Variants in CRPPA observed in about 807,000 individuals in gnomAD.
CRPPA encodes CDP-L-ribitol pyrophosphorylase A, also known as D-ribitol-5-phosphate cytidylyltransferase.
A neutral mutation model predicts 52.0 loss-of-function variants in CRPPA; 43 were observed. That is an observed-to-expected ratio of 0.83 (90% confidence interval 0.65 to 1.07). The LOEUF (loss-of-function observed/expected upper bound fraction) is 1.07, where lower values mean the gene tolerates loss of function less well. CRPPA is among the 50% of genes least tolerant of loss of function. The pLI is 0.00. For missense variants in CRPPA, 629 were observed against 551.7 expected (o/e 1.14, Z -1.40); for synonymous variants, 250 against 203.5 (o/e 1.23, Z -1.94).
At chr7:16,347,158 A>T (rs1028295948) in intron 3 of CRPPA, among the ~76,000 whole-genome samples, 1 of 152,060 alleles carries the variant, frequency 6.6e-6, no homozygotes, top group Admixed American at 6.6e-5. Context: ...TTTCAGCCCC[A>T]TTTATCAGAC....
At chr7:16,129,113 A>C (rs1013691456) in intron 9 of CRPPA, among the ~76,000 whole-genome samples, 2 of 152,134 alleles carry the variant, frequency 1.3e-5, no homozygotes, top group Non-Finnish European at 2.9e-5. Context: ...GGAAAATGAC[A>C]TTGATTTCTC....
intron 9 of CRPPA, among the ~76,000 whole-genome samples, chr7:16,178,036 T>C (rs1482102376): frequency 6.7e-6 from 1 of 150,364 alleles, no homozygotes; most frequent in Non-Finnish European, 1.5e-5. Context: ...TAATGAAGAT[T>C]TCTTGGCTGT....
chr7:16,374,805 T>G (rs898389654), intron 3 of CRPPA, among the ~76,000 whole-genome samples: 4 of 152,098 alleles, frequency 2.6e-5, no homozygotes, highest in Non-Finnish European at 4.4e-5. Flanking sequence ...GTGTGCTGTT[T>G]TATCATCCAC....
At chr7:16,345,028 A>G (rs1385835436) in intron 3 of CRPPA, among the ~76,000 whole-genome samples, 1 of 152,158 alleles carries the variant, frequency 6.6e-6, no homozygotes, top group South Asian at 2.1e-4. Flanking sequence ...CAGGATAAAT[A>G]CAATCAGGTC....
chr7:16,335,698 C>G (rs983168939), intron 3 of CRPPA, among the ~76,000 whole-genome samples: 1 of 152,020 alleles, frequency 6.6e-6, no homozygotes, highest in Non-Finnish European at 1.5e-5. Context: ...AAGAAAAAGG[C>G]CTGGAAAGCA....
chr7:16,266,838 A>G (rs1050753807), intron 6 of CRPPA, among the ~76,000 whole-genome samples: 33 of 152,166 alleles, frequency 2.2e-4, no homozygotes, highest in African/African-American at 6.8e-4. Context: ...GCTGCAAAAT[A>G]CCACCCTGCT....
chr7:16,107,055 C>T (rs1204598825), intron 9 of CRPPA, among the ~76,000 whole-genome samples: 2 of 151,934 alleles, frequency 1.3e-5, no homozygotes, highest in Non-Finnish European at 1.5e-5. Context: ...GAAGACAGAA[C>T]ATTTAAAATT....
chr7:16,353,576 G>A (rs1786215280), intron 3 of CRPPA, among the ~76,000 whole-genome samples: 1 of 152,166 alleles, frequency 6.6e-6, no homozygotes, highest in Non-Finnish European at 1.5e-5. Context: ...TTGGCAGGGT[G>A]TGGTGGCTCA....
At chr7:16,238,946 T>A (rs1004324088) in intron 8 of CRPPA, among the ~76,000 whole-genome samples, 12 of 152,068 alleles carry the variant, frequency 7.9e-5, no homozygotes, top group African/African-American at 2.9e-4. Flanking sequence ...GAGACCAGCC[T>A]GGCCAAAATG....
chr7:16,114,268 A>G (rs1782323907), intron 9 of CRPPA, among the ~76,000 whole-genome samples: 1 of 150,360 alleles, frequency 6.7e-6, no homozygotes, highest in Admixed American at 6.8e-5. Context: ...AATAGTACTG[A>G]ACGAGATCAA....
intron 9 of CRPPA, among the ~76,000 whole-genome samples, chr7:16,160,206 A>G (rs1783273897): frequency 6.6e-6 from 1 of 152,078 alleles, no homozygotes; most frequent in Admixed American, 6.5e-5. Context: ...TTTTCTTGCC[A>G]TTGCTTTTGG....
intron 9 of CRPPA, among the ~76,000 whole-genome samples, chr7:16,099,441 G>A (rs1400584259): frequency 6.9e-6 from 1 of 144,756 alleles, no homozygotes; most frequent in African/African-American, 2.6e-5. Context: ...AGGGAAAAAG[G>A]AGGGAGGGAA....
chr7:16,286,173 T>TATCAAC (rs1018242401), intron 5 of CRPPA, among the ~76,000 whole-genome samples: 7 of 146,242 alleles, frequency 4.8e-5, no homozygotes, highest in Non-Finnish European at 1.0e-4. Flanking sequence ...TTAATTTGTG[T>TATCAAC]ATCAACTTGA....
At chr7:16,144,873 G>C (rs1782943926) in intron 9 of CRPPA, among the ~76,000 whole-genome samples, 1 of 152,214 alleles carries the variant, frequency 6.6e-6, no homozygotes, top group East Asian at 1.9e-4. Context: ...ACCTGTGTCA[G>C]TGTACTTCTT....
chr7:16,257,927 GA>G (rs1783687068), intron 8 of CRPPA, among the ~76,000 whole-genome samples: 1 of 152,022 alleles, frequency 6.6e-6, no homozygotes, highest in Admixed American at 6.6e-5. Flanking sequence ...ATTCTTCCAG[GA>G]ATTCTCTTTA....
chr7:16,139,676 G>T (rs79973963), intron 9 of CRPPA, among the ~76,000 whole-genome samples: 1 of 152,126 alleles, frequency 6.6e-6, no homozygotes, highest in African/African-American at 2.4e-5. Context: ...GATTATACTT[G>T]CCTTCAGATC....
intron 9 of CRPPA, among the ~76,000 whole-genome samples, chr7:16,155,706 G>A (rs1164612048): frequency 2.0e-5 from 3 of 152,194 alleles, no homozygotes; most frequent in South Asian, 2.1e-4. Flanking sequence ...TTGTGTTATC[G>A]ATAAGGCTTG....
At chr7:16,356,040 A>G (rs930777309) in intron 3 of CRPPA, among the ~76,000 whole-genome samples, 8 of 143,826 alleles carry the variant, frequency 5.6e-5, no homozygotes, top group African/African-American at 1.9e-4. Context: ...GTAACGAAGC[A>G]TAAGTGGAAC....
intron 2 of CRPPA, among the ~76,000 whole-genome samples, chr7:16,398,557 T>C (rs6461247): frequency 0.16 from 23,596 of 152,114 alleles, 2,142 homozygotes; most frequent in Admixed American, 0.2. Flanking sequence ...TGACACGTGA[T>C]CGTCAAGTGA....
Sources: allele counts gnomAD v4.1 joint callset (sites outside exome capture counted in the v4.1 genomes callset), GRCh38; gene constraint gnomAD v4.1.1; transcripts MANE v1.5; gene names NCBI Gene and HGNC (gene_info 2026-07-23, HGNC 2026-07-21).